ELMO1: variants seen among roughly 807,000 people sequenced by gnomAD.
ELMO1 encodes engulfment and cell motility protein 1.
ELMO1 carries 26 observed loss-of-function variants against 98.9 expected under a neutral mutation model. The observed-to-expected ratio is 0.26, with a 90% CI of 0.19 to 0.36. The LOEUF is 0.36. Among genes scored for constraint, ELMO1 ranks in the 10% least tolerant of loss-of-function variants. The probability of loss-of-function intolerance (pLI) is 1.00; values close to 1 mark genes in which losing one functional copy is unlikely to be tolerated. For missense variants in ELMO1, 627 were observed against 935.2 expected, an observed-to-expected ratio of 0.67 and a Z score of 4.30; for synonymous variants, 346 against 346.0, an observed-to-expected ratio of 1.00 and a Z score of 0.00.
rs182616140 is a variant in ELMO1 at position 37,296,926 on chromosome 7, C to G, written c.192+17924G>C. On this transcript the variant is annotated intron_variant, in intron 4 of 21. Coordinates refer to ENST00000310758, the MANE Select transcript of ELMO1 (RefSeq NM_014800.11). Reference sequence around the variant, plus strand: ...CTGACATGCTCTCAAGCCAATACGCCTGAACTATCCCTGACCTTCCATGAG... The same window carrying G: ...CTGACATGCTCTCAAGCCAATACGCGTGAACTATCCCTGACCTTCCATGAG... 6.6e-5 allele frequency among the ~76,000 whole-genome samples: 10 copies of G among 152,290 alleles called. No homozygotes were observed. The East Asian group carries it at 1.9e-3, about 29-fold the overall frequency.
chr7:37,194,870 A>C (rs1198302647), intron 13 of ELMO1, among the ~76,000 whole-genome samples: 1 of 152,216 alleles, frequency 6.6e-6, no homozygotes, highest in African/African-American at 2.4e-5. Context: ...ATCAACTTCT[A>C]CCTATAAGTA....
chr7:36,995,764 T>C (rs1011225899), intron 16 of ELMO1, among the ~76,000 whole-genome samples: 2 of 152,188 alleles, frequency 1.3e-5, no homozygotes, highest in Non-Finnish European at 2.9e-5. Flanking sequence ...AACAATGAAA[T>C]GAACATCTAT....
intron 1 of ELMO1, among the ~76,000 whole-genome samples, chr7:37,411,745 T>C (rs1007581082): frequency 2.6e-5 from 4 of 152,206 alleles, no homozygotes; most frequent in African/African-American, 9.7e-5. Flanking sequence ...CTTTTTCCGT[T>C]ATTCTGGTAA....
chr7:37,259,108 T>C (rs2130793942), intron 6 of ELMO1, 73 bp downstream of exon 6: 1 of 1,495,326 alleles, frequency 6.7e-7, no homozygotes, highest in Admixed American at 2.2e-5. Flanking sequence ...TTTGCAAGTG[T>C]AAGGCATGTA....
intron 16 of ELMO1, chr7:36,986,381 C>T (rs373781652): frequency 4.9e-6 from 2 of 409,050 alleles, no homozygotes. Flanking sequence ...TGTCAATAAA[C>T]CCATAGCTCC....
At chr7:37,033,607 G>C (rs17170841) in intron 15 of ELMO1, among the ~76,000 whole-genome samples, 15,732 of 152,152 alleles carry the variant, frequency 0.1, 1,203 homozygotes, top group African/African-American at 0.22. Context: ...AAGGGTCCCG[G>C]TACACTGAAT....
At chr7:37,170,694 C>T (rs1790092916) in intron 13 of ELMO1, among the ~76,000 whole-genome samples, 3 of 151,358 alleles carry the variant, frequency 2.0e-5, no homozygotes, top group South Asian at 4.2e-4. Flanking sequence ...ACTGTCTCTG[C>T]CTCCCAGGTT....
rs191006885 is a variant in ELMO1 at position 37,324,372 on chromosome 7, G to A, written c.79-8412C>T. ...TCTCAGCTCTGACATCCACTTCTCC[G>A]GCCTCTGCCTGCCTCAAAATGGGCA... On this transcript the variant is annotated intron_variant, in intron 2 of 21. Transcript: ENST00000310758. Among the ~76,000 whole-genome samples, 7 of 149,156 alleles carry A rather than the reference G, an allele frequency of 4.7e-5. No homozygotes were observed. In the East Asian group the frequency reaches 8.0e-4, roughly 17 times the overall value.
At chr7:37,291,002 G>A (rs1359297698) in intron 4 of ELMO1, among the ~76,000 whole-genome samples, 2 of 152,104 alleles carry the variant, frequency 1.3e-5, no homozygotes, top group Non-Finnish European at 2.9e-5. Flanking sequence ...CTTGTTAGTT[G>A]GAAGCTATCA....
chr7:37,348,871 T>G (rs1801131425), intron 1 of ELMO1, among the ~76,000 whole-genome samples: 1 of 152,234 alleles, frequency 6.6e-6, no homozygotes, highest in African/African-American at 2.4e-5. Context: ...TTTTTGTTGT[T>G]TTTTCTGAAT....
chr7:37,019,534 G>C (rs193295258), intron 15 of ELMO1, among the ~76,000 whole-genome samples: 1 of 152,174 alleles, frequency 6.6e-6, no homozygotes, highest in Non-Finnish European at 1.5e-5. Context: ...GTTTATACAC[G>C]AGAGCTTGTC....
chr7:37,237,784 T>C (rs1447276980), intron 7 of ELMO1, among the ~76,000 whole-genome samples: 2 of 152,192 alleles, frequency 1.3e-5, no homozygotes, highest in African/African-American at 2.4e-5. Flanking sequence ...AGTCATCCTA[T>C]AGACACACCC....
At chr7:37,309,946 C>T (rs1798810667) in intron 4 of ELMO1, among the ~76,000 whole-genome samples, 1 of 152,208 alleles carries the variant, frequency 6.6e-6, no homozygotes, top group Admixed American at 6.5e-5. Context: ...GAACTGAATT[C>T]TGCAAAATAG....
intron 15 of ELMO1, among the ~76,000 whole-genome samples, chr7:37,078,294 G>A (rs2129232564): frequency 6.6e-6 from 1 of 152,246 alleles, no homozygotes; most frequent in Non-Finnish European, 1.5e-5. Flanking sequence ...GTAATAATAT[G>A]GCTATAGTGT....
chr7:36,963,092 T>C (rs943378447), intron 16 of ELMO1, among the ~76,000 whole-genome samples: 1 of 152,182 alleles, frequency 6.6e-6, no homozygotes, highest in African/African-American at 2.4e-5. Context: ...TAATTAGTAA[T>C]GGCATCTTTG....
chr7:37,318,492 ATTACTTGGATT>A (rs1799322730), intron 2 of ELMO1, among the ~76,000 whole-genome samples: 1 of 152,328 alleles, frequency 6.6e-6, no homozygotes, highest in East Asian at 1.9e-4. Context: ...TCTCAGAGGA[ATTACTTGGATT>A]TTAATTCAGG....
chr7:36,871,537 G>A (rs1475513538), intron 19 of ELMO1, among the ~76,000 whole-genome samples: 2 of 152,310 alleles, frequency 1.3e-5, no homozygotes, highest in Middle Eastern at 3.4e-3. Context: ...AGGTATGCAC[G>A]CTGGCTAGTG....
chr7:37,319,985 G>C (rs565967272), intron 2 of ELMO1, among the ~76,000 whole-genome samples: 2 of 152,194 alleles, frequency 1.3e-5, no homozygotes, highest in Non-Finnish European at 2.9e-5. Context: ...GCTGAGCATG[G>C]TGGCTCACGC....
chr7:37,432,640 G>A (rs1804979146), intron 1 of ELMO1, among the ~76,000 whole-genome samples: 1 of 152,218 alleles, frequency 6.6e-6, no homozygotes, highest in Non-Finnish European at 1.5e-5. Context: ...CAAGGCCACG[G>A]TGCTCTCAGA....
Sources: allele counts gnomAD v4.1 joint callset (sites outside exome capture counted in the v4.1 genomes callset), GRCh38; gene constraint gnomAD v4.1.1; transcripts MANE v1.5; gene names NCBI Gene and HGNC (gene_info 2026-07-23, HGNC 2026-07-21).